Variants in CACNA1E observed in about 807,000 individuals in gnomAD.
CACNA1E encodes voltage-dependent R-type calcium channel subunit alpha-1E.
Under a neutral mutation model 259.2 loss-of-function variants are expected in CACNA1E, and 40 were observed. The ratio of observed to expected loss-of-function variants is 0.15; its 90% CI spans 0.12 to 0.20. The LOEUF is 0.20. CACNA1E is among the 10% of genes least tolerant of loss of function. The pLI is 1.00. For synonymous variants in CACNA1E, 1,104 were observed against 1,138.5 expected, an observed-to-expected ratio of 0.97 and a Z score of 0.61; for missense variants, 1,874 against 3,040.1, an observed-to-expected ratio of 0.62 and a Z score of 9.02.
chr1:181,326,011 C>T (rs1650758708), intron 1 of CACNA1E, among the ~76,000 whole-genome samples: 2 of 152,222 alleles, frequency 1.3e-5, no homozygotes, highest in Admixed American at 6.5e-5. Context: ...CCTCCTCCAC[C>T]CGCTCCGCCG....
chr1:181,642,327 AG>A (rs998820630), intron 6 of CACNA1E, among the ~76,000 whole-genome samples: 1 of 152,150 alleles, frequency 6.6e-6, no homozygotes, highest in African/African-American at 2.4e-5. Flanking sequence ...TGTTAGTAAG[AG>A]GGGAGAGGGG....
At chr1:181,600,942 C>T (rs997146196) in intron 6 of CACNA1E, among the ~76,000 whole-genome samples, 1 of 152,164 alleles carries the variant, frequency 6.6e-6, no homozygotes, top group African/African-American at 2.4e-5. Flanking sequence ...GAAACTACAA[C>T]TTAATGTCTA....
At chr1:181,434,348 T>A (rs1659929226) in intron 2 of CACNA1E, among the ~76,000 whole-genome samples, 2 of 152,202 alleles carry the variant, frequency 1.3e-5, no homozygotes. Flanking sequence ...TATAAATTAA[T>A]CAGTTTATCA....
intron 1 of CACNA1E, among the ~76,000 whole-genome samples, chr1:181,363,520 G>T (rs1440983756): frequency 6.6e-6 from 1 of 152,202 alleles, no homozygotes; most frequent in Non-Finnish European, 1.5e-5. Flanking sequence ...GACTAGAGGG[G>T]CAGGACAAGG....
chr1:181,343,507 G>A (rs1652339640), intron 1 of CACNA1E, among the ~76,000 whole-genome samples: 1 of 152,070 alleles, frequency 6.6e-6, no homozygotes. Context: ...TACCGTGACT[G>A]TAAGCTTCCT....
intron 1 of CACNA1E, among the ~76,000 whole-genome samples, chr1:181,325,666 T>TTTA (rs1430674743): frequency 6.6e-6 from 1 of 151,358 alleles, no homozygotes; most frequent in East Asian, 1.9e-4. Flanking sequence ...TATTTATTTT[T>TTTA]AAATTTTTAT....
chr1:181,374,334 A>T (rs1654936087), intron 1 of CACNA1E, among the ~76,000 whole-genome samples: 2 of 148,346 alleles, frequency 1.3e-5, no homozygotes, highest in Non-Finnish European at 1.5e-5. Flanking sequence ...CTTAATACTG[A>T]TTTCTATTTT....
intron 1 of CACNA1E, among the ~76,000 whole-genome samples, chr1:181,345,869 G>C (rs992987471): frequency 2.0e-5 from 3 of 152,210 alleles, no homozygotes; most frequent in African/African-American, 7.2e-5. Context: ...ACTGTGGGAG[G>C]AGGGGAGAGA....
chr1:181,645,533 T>C lies in CACNA1E; in HGVS notation c.952-5805T>C, dbSNP rs532144158. ...ATAATTAATCTTTTCACTGCCTTTCTGGCTTCTGCTGTCTCAGCGAAGGTA... is the reference window on the plus strand; with the variant it reads ...ATAATTAATCTTTTCACTGCCTTTCCGGCTTCTGCTGTCTCAGCGAAGGTA... On this transcript the variant is annotated intron_variant, in intron 6 of 47. Coordinates refer to ENST00000367573, the MANE Select transcript of CACNA1E (RefSeq NM_001205293.3). Among the ~76,000 whole-genome samples the C allele has an allele frequency of 2.3e-4, 35 of 152,338 alleles. No individual in the cohort carries two copies. In the South Asian group the frequency reaches 7.3e-3, roughly 32 times the overall value.
chr1:181,319,166 C>A (rs1434933456), intron 1 of CACNA1E, among the ~76,000 whole-genome samples: 1 of 152,102 alleles, frequency 6.6e-6, no homozygotes, highest in Non-Finnish European at 1.5e-5. Flanking sequence ...AATGGTTCAC[C>A]GTGTTGGAAC....
Position 181,756,049 on chromosome 1 carries a change from C to T in CACNA1E, c.4083C>T (p.Ala1361=). ...TCCACTACGACAACATTATCTGGGC[C>T]CTGCTGACCCTCTTCACCGTCTCCA... ...HEFHYDNIIW[A]LLTLFTVSTG... The change falls in exon 29 of 48, where the codon GCC becomes GCT. Residue 1361 remains alanine, a synonymous_variant. Coordinates refer to ENST00000367573, the MANE Select transcript of CACNA1E (RefSeq NM_001205293.3). The T allele has an allele frequency of 1.2e-6, 2 of 1,613,804 alleles. No individual in the cohort carries two copies. Among genetic ancestry groups the T allele is most frequent in the South Asian group, 1.1e-5 (1 of 91,066 alleles).
chr1:181,369,434 A>T (rs989328792), intron 1 of CACNA1E, among the ~76,000 whole-genome samples: 1 of 152,274 alleles, frequency 6.6e-6, no homozygotes, highest in Admixed American at 6.5e-5. Flanking sequence ...TTTTCTAGAC[A>T]TTAACTAAGG....
chr1:181,377,433 A>T (rs1171059857), intron 1 of CACNA1E, among the ~76,000 whole-genome samples: 1 of 152,202 alleles, frequency 6.6e-6, no homozygotes, highest in African/African-American at 2.4e-5. Context: ...TTGTGGTGGT[A>T]GAGAGATGTG....
At position 181,459,509 on chromosome 1, in the gene CACNA1E, C is replaced by T. The variant is rs569316240; in HGVS notation, c.435-24235C>T. Reference sequence around the variant, plus strand: ...GTCATAGTAATGCCTCAGACTCCATCATCCATGCCCTCTTGTGCCTAACAC... The same window carrying T: ...GTCATAGTAATGCCTCAGACTCCATTATCCATGCCCTCTTGTGCCTAACAC... On this transcript the variant is annotated intron_variant, in intron 2 of 11. Coordinates refer to the CACNA1E transcript ENST00000524607. Among the ~76,000 whole-genome samples, 2 of 152,364 alleles carry T rather than the reference C, an allele frequency of 1.3e-5. 1 individual carries two copies. The highest frequency in any genetic ancestry group is 4.1e-4 in the South Asian group (2 of 4,830).
intron 3 of CACNA1E, among the ~76,000 whole-genome samples, chr1:181,525,766 G>A (rs1261479275): frequency 6.6e-6 from 1 of 152,196 alleles, no homozygotes; most frequent in Non-Finnish European, 1.5e-5. Flanking sequence ...TGGTTGTCAC[G>A]AGTCTTTGGA....
In CACNA1E at chr1:181,755,418, C is replaced by T. The variant is rs760024958; in HGVS notation, c.3989+21C>T. On this transcript the variant is annotated intron_variant, in intron 28 of 47. Coordinates refer to ENST00000367573, the MANE Select transcript of CACNA1E (RefSeq NM_001205293.3). Reference sequence around the variant, plus strand: ...TGCATGTAAGTGCCACCAGCGCATTCCACTTGATTTTGCTGAAGCATGTCC... The same window carrying T: ...TGCATGTAAGTGCCACCAGCGCATTTCACTTGATTTTGCTGAAGCATGTCC... 6 of 1,607,506 alleles carry T rather than the reference C, an allele frequency of 3.7e-6. No individual in the cohort carries two copies. In the African/African-American group the frequency reaches 8.0e-5, roughly 21 times the overall value.
chr1:181,366,075 G>A (rs572753113), intron 1 of CACNA1E, among the ~76,000 whole-genome samples: 33 of 152,286 alleles, frequency 2.2e-4, no homozygotes, highest in African/African-American at 7.9e-4. Context: ...GGTGGAGAAA[G>A]GCTGATGAAT....
chr1:181,385,156 T>C (rs1655749478), intron 1 of CACNA1E, among the ~76,000 whole-genome samples: 1 of 152,076 alleles, frequency 6.6e-6, no homozygotes, highest in Admixed American at 6.5e-5. Flanking sequence ...TCCTGTTGCA[T>C]GGCTCTTCTC....
intron 12 of CACNA1E, 80 bp downstream of exon 12, chr1:181,718,247 C>T: frequency 1.5e-6 from 1 of 678,826 alleles, no homozygotes; most frequent in East Asian, 2.6e-5. Flanking sequence ...GCTCCTTACT[C>T]AGCATGAGGC....
Sources: allele counts gnomAD v4.1 joint callset (sites outside exome capture counted in the v4.1 genomes callset), GRCh38; gene constraint gnomAD v4.1.1; transcripts MANE v1.5; gene names NCBI Gene and HGNC (gene_info 2026-07-23, HGNC 2026-07-21).